KLHL32: variants seen among roughly 807,000 people sequenced by gnomAD.
KLHL32 encodes the protein kelch-like protein 32.
KLHL32 carries 35 observed loss-of-function variants against 64.8 expected under a neutral mutation model. The observed-to-expected ratio is 0.54, with a 90% CI of 0.41 to 0.72. KLHL32 has a LOEUF of 0.72. Ranked by LOEUF, KLHL32 falls within the 30% of genes least tolerant of loss-of-function variation. The pLI is 0.00. For missense variants in KLHL32, 589 were observed against 768.5 expected (o/e 0.77, Z 2.76); for synonymous variants, 259 against 281.0 (o/e 0.92, Z 0.78).
At chr6:96,930,239 C>T (rs924386371) in intron 1 of KLHL32, among the ~76,000 whole-genome samples, 4 of 152,164 alleles carry the variant, frequency 2.6e-5, no homozygotes, top group African/African-American at 9.7e-5. Context: ...TCTGATACCT[C>T]ATTTAAAATC....
At chr6:97,045,745 C>T (rs759839760) in intron 4 of KLHL32, among the ~76,000 whole-genome samples, 5 of 152,120 alleles carry the variant, frequency 3.3e-5, no homozygotes, top group East Asian at 3.9e-4. Context: ...CGCATGTGTG[C>T]GTGTAATTCC....
intron 6 of KLHL32, among the ~76,000 whole-genome samples, chr6:97,104,336 C>CAGGG: frequency 6.6e-6 from 1 of 152,038 alleles, no homozygotes; most frequent in South Asian, 2.1e-4. Context: ...GAAATAGACA[C>CAGGG]CTTTAGTTGC....
chr6:97,071,530 C>G (rs1308137430), intron 5 of KLHL32, among the ~76,000 whole-genome samples: 2 of 152,158 alleles, frequency 1.3e-5, no homozygotes, highest in African/African-American at 2.4e-5. Flanking sequence ...CTCCAGCCCT[C>G]TCTCCTGAGC....
rs562617350 is a variant in KLHL32, at chr6:97,028,027, G to A, written c.205-13465G>A. Among the ~76,000 whole-genome samples the A allele has an allele frequency of 7.3e-4, 111 of 152,238 alleles. 2 individuals carry two copies. The South Asian group carries it at 0.012, about 17-fold the overall frequency. On this transcript the variant is annotated intron_variant, in intron 3 of 10. Coordinates refer to ENST00000369261, the MANE Select transcript of KLHL32 (RefSeq NM_052904.4). Reference sequence around the variant, plus strand: ...GTTTTACTAATATTTCTCCAGCAAGGGACAGCCTGTCATGAAAAATATTAG... The same window carrying A: ...GTTTTACTAATATTTCTCCAGCAAGAGACAGCCTGTCATGAAAAATATTAG...
chr6:97,130,543 G>T (rs1799326505), intron 8 of KLHL32, among the ~76,000 whole-genome samples: 1 of 152,176 alleles, frequency 6.6e-6, no homozygotes, highest in Non-Finnish European at 1.5e-5. Context: ...GATGCCGTGT[G>T]TAAATCGCAA....
intron 1 of KLHL32, among the ~76,000 whole-genome samples, chr6:96,926,343 A>G (rs1260527159): frequency 6.6e-6 from 1 of 152,238 alleles, no homozygotes; most frequent in African/African-American, 2.4e-5. Context: ...AAATAATGAC[A>G]GAGGTAGATA....
chr6:97,109,251 T>A (rs1168303208), intron 6 of KLHL32, among the ~76,000 whole-genome samples: 2 of 152,098 alleles, frequency 1.3e-5, no homozygotes, highest in Non-Finnish European at 2.9e-5. Flanking sequence ...TGGAAAAAAA[T>A]ATAAACCCAA....
chr6:97,012,877 TTA>T (rs1780593406), intron 3 of KLHL32, among the ~76,000 whole-genome samples: 1 of 152,162 alleles, frequency 6.6e-6, no homozygotes, highest in Non-Finnish European at 1.5e-5. Flanking sequence ...GTAGAAAACT[TTA>T]TTATTATTGT....
chr6:96,988,861 A>G (rs1311564573), intron 3 of KLHL32, among the ~76,000 whole-genome samples: 5 of 151,978 alleles, frequency 3.3e-5, no homozygotes, highest in Non-Finnish European at 7.4e-5. Context: ...AGGACAAAAA[A>G]CCAAACACCG....
intron 5 of KLHL32, among the ~76,000 whole-genome samples, chr6:97,076,676 T>C (rs1791636902): frequency 6.6e-6 from 1 of 152,142 alleles, no homozygotes; most frequent in South Asian, 2.1e-4. Flanking sequence ...TTCTAAATCA[T>C]GAAGACTAAG....
At chr6:97,108,902 A>G (rs1251575784) in intron 6 of KLHL32, among the ~76,000 whole-genome samples, 1 of 152,224 alleles carries the variant, frequency 6.6e-6, no homozygotes, top group Non-Finnish European at 1.5e-5. Context: ...AATTTAAAAA[A>G]CAGAGTGAAT....
chr6:97,070,349 C>G (rs945636306), intron 5 of KLHL32, among the ~76,000 whole-genome samples: 12 of 152,162 alleles, frequency 7.9e-5, no homozygotes, highest in Non-Finnish European at 1.5e-4. Flanking sequence ...AGAGTATTTG[C>G]TATCTGGCAT....
intron 1 of KLHL32, among the ~76,000 whole-genome samples, chr6:96,946,276 G>T (rs775551749): frequency 2.0e-5 from 3 of 152,078 alleles, no homozygotes; most frequent in Admixed American, 6.5e-5. Flanking sequence ...TCTGGTAAAA[G>T]AATTTTTTAA....
chr6:96,987,351 G>T (rs192569515), intron 3 of KLHL32, among the ~76,000 whole-genome samples: 1,678 of 152,106 alleles, frequency 0.011, 39 homozygotes, highest in African/African-American at 0.039. Flanking sequence ...GCATTTAGTG[G>T]TATAAATTTC....
chr6:96,947,454 T>C (rs1394112966), intron 1 of KLHL32, among the ~76,000 whole-genome samples: 1 of 152,244 alleles, frequency 6.6e-6, no homozygotes, highest in East Asian at 1.9e-4. Context: ...TATTTCTTTA[T>C]ACTAAGACCA....
rs116317037 is a variant in KLHL32, at chr6:96,993,926, C to A, written c.204+17749C>A. 2.8e-3 allele frequency among the ~76,000 whole-genome samples: 425 copies of A among 152,236 alleles called. 3 individuals carry two copies. Among genetic ancestry groups the A allele is most frequent in the African/African-American group, 9.3e-3 (387 of 41,528 alleles). On this transcript the variant is annotated intron_variant, in intron 3 of 10. Coordinates refer to ENST00000369261, the MANE Select transcript of KLHL32 (RefSeq NM_052904.4). ...GAGTAGCAAACATGTCTACCCTTTG[C>A]TCTGGAGAGAGACATTATTATTCTG...
intron 6 of KLHL32, among the ~76,000 whole-genome samples, chr6:97,112,528 G>A (rs1343299522): frequency 6.6e-6 from 1 of 151,372 alleles, no homozygotes; most frequent in Non-Finnish European, 1.5e-5. Flanking sequence ...CTCACTGTAA[G>A]CTCCACCTCC....
chr6:97,014,634 T>G (rs1276267605), intron 3 of KLHL32, among the ~76,000 whole-genome samples: 1 of 152,204 alleles, frequency 6.6e-6, no homozygotes, highest in Non-Finnish European at 1.5e-5. Context: ...AATCTGCATT[T>G]TGTCACTGTC....
Position 97,083,118 on chromosome 6 carries a change from G to A in KLHL32, c.412-2008G>A, listed in dbSNP as rs191598841. On this transcript the variant is annotated intron_variant, in intron 5 of 10. Transcript: ENST00000369261. Reference sequence around the variant, plus strand: ...AATTTGTACTTGGGGAAGGCTGGGTGCCGTGGCTCATGCCTGTAATCCTAG... The same window carrying A: ...AATTTGTACTTGGGGAAGGCTGGGTACCGTGGCTCATGCCTGTAATCCTAG... Among the ~76,000 whole-genome samples the A allele has an allele frequency of 9.8e-4, 149 of 152,238 alleles. 2 individuals carry two copies. The highest frequency in any genetic ancestry group is 3.4e-3 in the African/African-American group (142 of 41,538).
Sources: allele counts gnomAD v4.1 joint callset (sites outside exome capture counted in the v4.1 genomes callset), GRCh38; gene constraint gnomAD v4.1.1; transcripts MANE v1.5; gene names NCBI Gene and HGNC (gene_info 2026-07-23, HGNC 2026-07-21).